The following C10orf67 variants were observed in gnomAD, a reference collection of about 807,000 sequenced individuals.
C10orf67 encodes the protein uncharacterized protein C10orf67, mitochondrial.
In C10orf67, 60 loss-of-function variants were observed where a neutral mutation model predicts 35.6. The observed-to-expected ratio is 1.68, with a 90% confidence interval of 1.37 to 2.09. C10orf67 has a LOEUF of 2.09. Ranked by LOEUF, C10orf67 falls within the 30% of genes most tolerant of loss-of-function variation. The pLI is 0.00. For synonymous variants in C10orf67, 167 were observed against 115.8 expected, an observed-to-expected ratio of 1.44 and a Z score of -2.84; for missense variants, 474 against 330.2, an observed-to-expected ratio of 1.44 and a Z score of -3.38.
intron 8 of C10orf67, among the ~76,000 whole-genome samples, chr10:23,276,236 C>T (rs930757345): frequency 6.6e-6 from 1 of 152,152 alleles, no homozygotes; most frequent in South Asian, 2.1e-4. Context: ...AACCTTTACA[C>T]ATTACTAGTG....
Position 23,303,451 on chromosome 10 carries a change from A to G in C10orf67, c.555T>C (p.Phe185=), listed in dbSNP as rs966578587. 38 of 565,460 alleles carry G rather than the reference A, an allele frequency of 6.7e-5. No individual in the cohort carries two copies. Among genetic ancestry groups the G allele is most frequent in the African/African-American group, 2.5e-4 (13 of 51,430 alleles). 35.0% of individuals were successfully genotyped at this position (565,460 alleles called of 1,614,324 possible). A position where few individuals can be genotyped will look rare whatever the true frequency, so the allele number is the denominator to read the frequency against. The stretch of plus-strand genomic sequence containing the variant: ...AAGAAACATTCTCTTCTTCTACCTC[A>G]AAGAATTGCTAGGGACAAAAAAAAG... ...AVIKGMYQQF[F]EVEEENVSLQ... is the part of the protein sequence containing the mutation. Residue 185 remains phenylalanine, a synonymous_variant, in exon 5 of 16, where the codon TTT becomes TTC. Coordinates refer to ENST00000636213, the MANE Select transcript of C10orf67 (RefSeq NM_001371909.1).
At chr10:23,309,015 CTT>C (rs939600947) in intron 4 of C10orf67, among the ~76,000 whole-genome samples, 1 of 152,004 alleles carries the variant, frequency 6.6e-6, no homozygotes, top group African/African-American at 2.4e-5. Flanking sequence ...TATTTGCTTA[CTT>C]TCTAACTAAT....
chr10:23,249,659 T>C (rs1056478206), intron 12 of C10orf67, among the ~76,000 whole-genome samples: 3 of 152,218 alleles, frequency 2.0e-5, no homozygotes, highest in African/African-American at 7.2e-5. Flanking sequence ...AGTGTGTGTT[T>C]AAGAAATACA....
At chr10:23,252,218 G>A (rs1842473343) in intron 10 of C10orf67, among the ~76,000 whole-genome samples, 1 of 151,950 alleles carries the variant, frequency 6.6e-6, no homozygotes, top group Non-Finnish European at 1.5e-5. Context: ...AGATTATTAA[G>A]TCTTAAGCTC....
At chr10:23,285,712 GA>G (rs1223539892) in intron 7 of C10orf67, among the ~76,000 whole-genome samples, 1 of 152,114 alleles carries the variant, frequency 6.6e-6, no homozygotes, top group African/African-American at 2.4e-5. Context: ...ATTTACAAAT[GA>G]AAAAGTAAAG....
chr10:23,324,843 T>A (rs2132353110), intron 2 of C10orf67, among the ~76,000 whole-genome samples: 1 of 152,344 alleles, frequency 6.6e-6, no homozygotes, highest in East Asian at 1.9e-4. Flanking sequence ...GCAAATGGTT[T>A]CTAACTCACA....
chr10:23,217,790 C>T (rs895555022), intron 15 of C10orf67, among the ~76,000 whole-genome samples: 9 of 152,186 alleles, frequency 5.9e-5, no homozygotes, highest in Non-Finnish European at 1.5e-5. Flanking sequence ...TGCTTAAAAA[C>T]ATATTAGACT....
chr10:23,322,331 C>T, intron 3 of C10orf67, 63 bp downstream of exon 3: 1 of 1,514,550 alleles, frequency 6.6e-7, no homozygotes, highest in Non-Finnish European at 9.0e-7. Context: ...CTAAACTGCA[C>T]TGCATACACA....
chr10:23,215,281 A>G (rs981497984), intron 15 of C10orf67, among the ~76,000 whole-genome samples: 13 of 151,826 alleles, frequency 8.6e-5, no homozygotes, highest in African/African-American at 2.9e-4. Context: ...TTTTCACACC[A>G]TCAAAGAAGA....
chr10:23,232,988 C>T (rs1841951781), intron 13 of C10orf67, among the ~76,000 whole-genome samples: 1 of 152,032 alleles, frequency 6.6e-6, no homozygotes, highest in Admixed American at 6.6e-5. Context: ...GAGACTTTGT[C>T]TCTAAAGAAT....
intron 4 of C10orf67, 80 bp from the exon 5 acceptor site, chr10:23,303,539 G>C (rs4439422): frequency 0.17 from 73,063 of 427,800 alleles, 7,068 homozygotes; most frequent in Admixed American, 0.3. Flanking sequence ...TAGACACTCA[G>C]CATTAAAAAT....
At chr10:23,284,802 T>C (rs1843484334) in intron 7 of C10orf67, among the ~76,000 whole-genome samples, 1 of 152,202 alleles carries the variant, frequency 6.6e-6, no homozygotes, top group Admixed American at 6.5e-5. Context: ...GAAGGTTTTC[T>C]AGAATCTTCC....
At chr10:23,269,349 A>C (rs1345717426) in intron 8 of C10orf67, among the ~76,000 whole-genome samples, 2 of 152,228 alleles carry the variant, frequency 1.3e-5, no homozygotes, top group Admixed American at 6.5e-5. Context: ...GTGGACTGTC[A>C]AAAGTTAAGA....
chr10:23,223,015 A>C (rs1841627655), intron 15 of C10orf67, among the ~76,000 whole-genome samples: 1 of 152,198 alleles, frequency 6.6e-6, no homozygotes, highest in African/African-American at 2.4e-5. Flanking sequence ...GTTTGTTGGC[A>C]GTTTAATTTT....
intron 5 of C10orf67, among the ~76,000 whole-genome samples, chr10:23,292,391 T>A (rs1403731257): frequency 6.6e-6 from 1 of 152,134 alleles, no homozygotes; most frequent in African/African-American, 2.4e-5. Flanking sequence ...GATAGAAGAT[T>A]CTACATGCCT....
intron 8 of C10orf67, among the ~76,000 whole-genome samples, chr10:23,272,639 C>G (rs971519048): frequency 2.0e-5 from 3 of 152,180 alleles, no homozygotes; most frequent in African/African-American, 7.2e-5. Context: ...CAACTTTGCT[C>G]TTTTTCAAAA....
chr10:23,221,562 T>C (rs1841582138), intron 15 of C10orf67, among the ~76,000 whole-genome samples: 1 of 152,324 alleles, frequency 6.6e-6, no homozygotes, highest in African/African-American at 2.4e-5. Context: ...TTAGCAATAA[T>C]CTTGGCTAAT....
intron 4 of C10orf67, among the ~76,000 whole-genome samples, chr10:23,304,240 C>A (rs1844191526): frequency 6.6e-6 from 1 of 152,172 alleles, no homozygotes; most frequent in Admixed American, 6.5e-5. Flanking sequence ...CTTGAAACAG[C>A]CCTTTAACTT....
At chr10:23,305,545 A>G (rs1406063941) in intron 4 of C10orf67, among the ~76,000 whole-genome samples, 1 of 152,246 alleles carries the variant, frequency 6.6e-6, no homozygotes, top group Non-Finnish European at 1.5e-5. Flanking sequence ...AAGATGATAT[A>G]CAAATGGCCA....
Sources: gnomAD v4.1 joint callset for allele counts (sites outside exome capture counted in the v4.1 genomes callset) on GRCh38, gnomAD v4.1.1 for gene constraint, MANE v1.5 for transcripts, NCBI Gene and HGNC (gene_info 2026-07-23, HGNC 2026-07-21) for gene names.